The following SLC25A20 variants were observed in gnomAD, a reference collection of about 807,000 sequenced individuals.
SLC25A20 encodes mitochondrial carnitine/acylcarnitine carrier protein.
SLC25A20 carries 29 observed loss-of-function variants against 39.7 expected under a neutral mutation model. The observed-to-expected ratio is 0.73, with a 90% CI of 0.54 to 1.00. The LOEUF (loss-of-function observed/expected upper bound fraction) is 1.00, where lower values mean the gene tolerates loss of function less well. Ranked by LOEUF, SLC25A20 falls within the 50% of genes least tolerant of loss-of-function variation. SLC25A20 has a pLI of 0.00. For missense variants in SLC25A20, 333 were observed against 379.9 expected (o/e 0.88, Z 1.03); for synonymous variants, 103 against 142.2 (o/e 0.72, Z 1.96).
At chr3:48,865,221 G>A (rs1452026079) in intron 4 of SLC25A20, among the ~76,000 whole-genome samples, 9 of 151,564 alleles carry the variant, frequency 5.9e-5, no homozygotes, top group Non-Finnish European at 1.3e-4. Context: ...TCCGCCTCCT[G>A]GGTTCAAGTG....
intron 1 of SLC25A20, among the ~76,000 whole-genome samples, chr3:48,894,250 G>A (rs1265815677): frequency 8.1e-5 from 11 of 135,574 alleles, no homozygotes; most frequent in Non-Finnish European, 1.2e-4. Flanking sequence ...AGTCTTTGCC[G>A]ATTTTTAATT....
chr3:48,870,031 G>A (rs533781308), intron 4 of SLC25A20, among the ~76,000 whole-genome samples: 4 of 152,030 alleles, frequency 2.6e-5, no homozygotes, highest in South Asian at 2.1e-4. Flanking sequence ...TGAGAGGATC[G>A]CTTGAGCCTG....
intron 1 of SLC25A20, among the ~76,000 whole-genome samples, chr3:48,897,825 T>C (rs1158182231): frequency 6.6e-6 from 1 of 152,174 alleles, no homozygotes; most frequent in Admixed American, 6.6e-5. Context: ...TGGCAATGAC[T>C]TGTCAATTTC....
intron 2 of SLC25A20, among the ~76,000 whole-genome samples, chr3:48,890,816 G>C (rs1009077350): frequency 6.8e-6 from 1 of 148,134 alleles, no homozygotes; most frequent in Non-Finnish European, 1.5e-5. Flanking sequence ...CACGACGTCC[G>C]GCTAATTTTT....
chr3:48,866,992 A>C (rs1011621686), intron 4 of SLC25A20, among the ~76,000 whole-genome samples: 2 of 151,362 alleles, frequency 1.3e-5, no homozygotes, highest in Non-Finnish European at 2.9e-5. Flanking sequence ...ATGGGGTTTC[A>C]TCATTTTGGC....
At chr3:48,884,714 A>G (rs944638223) in intron 2 of SLC25A20, among the ~76,000 whole-genome samples, 5 of 152,114 alleles carry the variant, frequency 3.3e-5, no homozygotes, top group Non-Finnish European at 7.4e-5. Context: ...AATTTATTGC[A>G]AGGAATTTAT....
chr3:48,888,570 AAAATAAATAAATAAAT>A (rs35871910), intron 2 of SLC25A20, among the ~76,000 whole-genome samples: 32 of 142,186 alleles, frequency 2.3e-4, no homozygotes, highest in South Asian at 8.9e-4. Flanking sequence ...CTCTTGTCTC[AAAATAAATAAATAAAT>A]AAATAAATAA....
intron 5 of SLC25A20, among the ~76,000 whole-genome samples, chr3:48,860,755 T>C (rs1457070118): frequency 6.7e-6 from 1 of 148,924 alleles, no homozygotes; most frequent in Non-Finnish European, 1.5e-5. Context: ...ACTAATGCAC[T>C]CCTGGCTGGG....
rs1054441248 is a variant in SLC25A20 at position 48,858,769 on chromosome 3, T to G, written c.719-138A>C. On this transcript the variant is annotated intron_variant, in intron 7 of 8. Coordinates refer to ENST00000319017, the MANE Select transcript of SLC25A20 (RefSeq NM_000387.6). ...CCAGTCCATAGACAACAGTTCACCT[T>G]GGGACAAATGCACAAATGCCTGAAT... 9 of 1,022,390 alleles carry G rather than the reference T, an allele frequency of 8.8e-6. No homozygotes were observed. The African/African-American group carries it at 1.3e-4, about 14-fold the overall frequency. The allele number at this position is 1,022,390 out of a possible 1,614,324, so 63.3% of individuals were successfully genotyped here. A position where few individuals can be genotyped will look rare whatever the true frequency, so the allele number is the denominator to read the frequency against.
At chr3:48,881,218 T>C (rs1254542788) in intron 3 of SLC25A20, among the ~76,000 whole-genome samples, 1 of 152,194 alleles carries the variant, frequency 6.6e-6, no homozygotes, top group Non-Finnish European at 1.5e-5. Flanking sequence ...CCAAGCTGAC[T>C]GTCAAACAGT....
chr3:48,859,121 G>T lies in SLC25A20; in HGVS notation c.689C>A (p.Pro230Gln). 3 of 1,613,752 alleles carry T rather than the reference G, an allele frequency of 1.9e-6. No homozygotes were observed. The highest frequency in any genetic ancestry group is 2.5e-6 in the Non-Finnish European group (3 of 1,179,798). The change falls in exon 7 of 9, where the codon CCA becomes CAA. Residue 230 changes from proline to glutamine, a missense_variant. Physicochemically the swap from Pro to Gln is moderately conservative, Grantham distance 76. Coordinates refer to ENST00000319017, the MANE Select transcript of SLC25A20 (RefSeq NM_000387.6). ...CTGGAATCGAGACTTGAGCACATCTGGGGGGATTGCCACAGCCCAGTTGAA... is the reference window on the plus strand; with the variant it reads ...CTGGAATCGAGACTTGAGCACATCTTGGGGGATTGCCACAGCCCAGTTGAA... ...GIFNWAVAIP[P>Q]DVLKSRFQTA...
Position 48,858,602 on chromosome 3 carries a change from T to C in SLC25A20, c.748A>G (p.Arg250Gly). Residue 250 changes from arginine to glycine, a missense_variant, in exon 8 of 9, where the codon AGA becomes GGA. Arg to Gly is a moderately radical substitution (Grantham distance 125). Coordinates refer to ENST00000319017, the MANE Select transcript of SLC25A20 (RefSeq NM_000387.6). ...CGGATCAGCTCCCTCAGCACATCTC[T>C]GAAACCATTAGGATATTTCCCAGGA... ...APPGKYPNGF[R>G]DVLRELIRDE... is the part of the protein sequence containing the mutation. 1.9e-6 allele frequency: 3 copies of C among 1,614,170 alleles called. No homozygotes were observed. Among genetic ancestry groups the C allele is most frequent in the South Asian group, 2.2e-5 (2 of 91,084 alleles).
chr3:48,878,274 AT>A (rs573324733), intron 4 of SLC25A20, among the ~76,000 whole-genome samples: 76,371 of 114,028 alleles, frequency 0.67, 24,533 homozygotes, highest in South Asian at 0.83. Flanking sequence ...AAAAAAAAAA[AT>A]ATATATATAT....
At chr3:48,872,092 G>A (rs991889748) in intron 4 of SLC25A20, among the ~76,000 whole-genome samples, 2 of 140,714 alleles carry the variant, frequency 1.4e-5, no homozygotes, top group African/African-American at 2.6e-5. Context: ...GCCTCTCAAA[G>A]TCCTGGGATC....
At chr3:48,881,799 A>G (rs4974087) in intron 3 of SLC25A20, among the ~76,000 whole-genome samples, 102,769 of 152,026 alleles carry the variant, frequency 0.68, 35,289 homozygotes, top group East Asian at 0.96. Context: ...CAGGCGCTCA[A>G]AGAGGGCATG....
chr3:48,864,559 G>GTT (rs77350745), intron 4 of SLC25A20, among the ~76,000 whole-genome samples: 4 of 138,934 alleles, frequency 2.9e-5, no homozygotes, highest in Admixed American at 7.3e-5. Flanking sequence ...AGTATCAATG[G>GTT]TTTTTTTTTT....
At chr3:48,858,404 G>T in intron 8 of SLC25A20, 103 bp downstream of exon 8, 1 of 1,538,370 alleles carries the variant, frequency 6.5e-7, no homozygotes, top group Non-Finnish European at 8.9e-7. Context: ...AGGGCTTTGG[G>T]AAAACTGAGA....
At chr3:48,859,510 C>G (rs1225567512) in intron 6 of SLC25A20, 45 bp downstream of exon 6, 1 of 1,484,232 alleles carries the variant, frequency 6.7e-7, no homozygotes, top group Non-Finnish European at 9.4e-7. Flanking sequence ...GAGGGCAACG[C>G]ACCCATGACT....
intron 5 of SLC25A20, among the ~76,000 whole-genome samples, chr3:48,860,769 C>G (rs1476789017): frequency 6.8e-6 from 1 of 147,700 alleles, no homozygotes; most frequent in Admixed American, 6.8e-5. Flanking sequence ...GGCTGGGCAA[C>G]AGAGCAAGAC....
Sources: gnomAD v4.1 joint callset for allele counts (sites outside exome capture counted in the v4.1 genomes callset) on GRCh38, gnomAD v4.1.1 for gene constraint, MANE v1.5 for transcripts, NCBI Gene and HGNC (gene_info 2026-07-23, HGNC 2026-07-21) for gene names.